Variants in LEPR observed in about 807,000 individuals in gnomAD.
LEPR encodes leptin receptor, also known as OB receptor.
Under a neutral mutation model 114.7 loss-of-function variants are expected in LEPR, and 56 were observed. The ratio of observed to expected loss-of-function variants is 0.49; its 90% CI spans 0.39 to 0.61. The LOEUF is 0.61. Among genes scored for constraint, LEPR ranks in the 20% least tolerant of loss-of-function variants. The pLI is 0.00. For missense variants in LEPR, 1,202 were observed against 1,352.9 expected, an observed-to-expected ratio of 0.89 and a Z score of 1.75; for synonymous variants, 443 against 461.4, an observed-to-expected ratio of 0.96 and a Z score of 0.51.
At chr1:65,547,750 A>G (rs1167011226) in intron 2 of LEPR, among the ~76,000 whole-genome samples, 3 of 135,628 alleles carry the variant, frequency 2.2e-5, no homozygotes, top group Admixed American at 1.5e-4. Context: ...GATCCTTTCA[A>G]AAAACCAGCT....
chr1:65,546,413 C>T (rs1435379522), intron 2 of LEPR, among the ~76,000 whole-genome samples: 2 of 152,172 alleles, frequency 1.3e-5, no homozygotes, highest in Non-Finnish European at 2.9e-5. Flanking sequence ...TGGCCATTTT[C>T]ACGATATTGA....
At chr1:65,597,646 AG>A (rs1557686009) in intron 7 of LEPR, among the ~76,000 whole-genome samples, 1 of 152,132 alleles carries the variant, frequency 6.6e-6, no homozygotes, top group African/African-American at 2.4e-5. Context: ...AGAGGCCAGC[AG>A]GGGAAGAGAA....
chr1:65,495,301 T>A (rs1648097803), intron 2 of LEPR, among the ~76,000 whole-genome samples: 1 of 152,204 alleles, frequency 6.6e-6, no homozygotes, highest in South Asian at 2.1e-4. Context: ...AGAAAAATGC[T>A]AATATCTCTA....
intron 2 of LEPR, among the ~76,000 whole-genome samples, chr1:65,518,675 C>G (rs979517730): frequency 3.9e-5 from 6 of 152,172 alleles, no homozygotes; most frequent in East Asian, 1.9e-4. Flanking sequence ...ATCTCCTCAG[C>G]TATATGCCCA....
At chr1:65,431,996 A>G (rs1646492113) in intron 2 of LEPR, 7 of 1,492,140 alleles carry the variant, frequency 4.7e-6, no homozygotes, top group East Asian at 2.4e-5. Context: ...GCGGCATTTT[A>G]CTATGAAATT....
At chr1:65,435,035 G>A (rs1191758800) in intron 2 of LEPR, 3 of 985,288 alleles carry the variant, frequency 3.0e-6, no homozygotes, top group Admixed American at 1.2e-4. Context: ...ATAACCCACT[G>A]ATTCTCATTC....
chr1:65,422,672 G>A (rs1444151209), intron 1 of LEPR, among the ~76,000 whole-genome samples: 1 of 152,236 alleles, frequency 6.6e-6, no homozygotes, highest in East Asian at 1.9e-4. Context: ...TCCCAAGTGG[G>A]GAGGACAGCA....
chr1:65,503,528 G>T (rs901976042), intron 2 of LEPR, among the ~76,000 whole-genome samples: 2 of 152,072 alleles, frequency 1.3e-5, no homozygotes, highest in Admixed American at 1.3e-4. Flanking sequence ...CTCCCATGGG[G>T]GAACAGGTTA....
At chr1:65,434,504 G>T (rs1288037106) in intron 2 of LEPR, 1 of 985,024 alleles carries the variant, frequency 1.0e-6, no homozygotes, top group African/African-American at 1.7e-5. Flanking sequence ...ACAATACTAT[G>T]AATTGGTGAT....
chr1:65,458,261 T>A (rs1646902004), intron 2 of LEPR, among the ~76,000 whole-genome samples: 1 of 152,188 alleles, frequency 6.6e-6, no homozygotes, highest in Admixed American at 6.5e-5. Flanking sequence ...GTACCTTCAT[T>A]TATTCCTTCT....
intron 2 of LEPR, among the ~76,000 whole-genome samples, chr1:65,430,977 T>C (rs1442321807): frequency 6.6e-6 from 1 of 152,156 alleles, no homozygotes; most frequent in Admixed American, 6.5e-5. Flanking sequence ...ATGCAGTATA[T>C]AGAATAAAGA....
At chr1:65,434,472 T>A (rs548617773) in intron 2 of LEPR, 2 of 985,258 alleles carry the variant, frequency 2.0e-6, no homozygotes, top group African/African-American at 3.5e-5. Context: ...ACAAGCAGAC[T>A]TTGAGACACT....
chr1:65,498,766 C>T (rs1394797391), intron 2 of LEPR, among the ~76,000 whole-genome samples: 1 of 152,030 alleles, frequency 6.6e-6, no homozygotes, highest in Non-Finnish European at 1.5e-5. Flanking sequence ...TCTTTAAATA[C>T]CCAGGTATAT....
intron 1 of LEPR, among the ~76,000 whole-genome samples, chr1:65,422,639 G>A (rs1646273725): frequency 6.6e-6 from 1 of 152,254 alleles, no homozygotes; most frequent in African/African-American, 2.4e-5. Flanking sequence ...CCTTGGCAAG[G>A]CATGGAGTGA....
chr1:65,611,858 A>G (rs1657190109), intron 14 of LEPR, among the ~76,000 whole-genome samples: 1 of 152,182 alleles, frequency 6.6e-6, no homozygotes, highest in Admixed American at 6.5e-5. Context: ...ATTGTATTTA[A>G]TTTTGATTAA....
At chr1:65,595,282 A>G (rs542065593) in intron 6 of LEPR, among the ~76,000 whole-genome samples, 9 of 116,320 alleles carry the variant, frequency 7.7e-5, no homozygotes, top group African/African-American at 2.7e-4. Flanking sequence ...CGTTGTTCCA[A>G]TGTAGGCATA....
chr1:65,565,168 G>A (rs1453149378), intron 2 of LEPR, among the ~76,000 whole-genome samples: 1 of 152,202 alleles, frequency 6.6e-6, no homozygotes, highest in African/African-American at 2.4e-5. Flanking sequence ...TAAGACCTGA[G>A]CATGAAAGAA....
intron 19 of LEPR, among the ~76,000 whole-genome samples, chr1:65,629,766 A>G (rs1368605778): frequency 3.4e-5 from 5 of 149,090 alleles, no homozygotes; most frequent in Non-Finnish European, 4.5e-5. Flanking sequence ...TATGTTACCT[A>G]TTTTATCCAC....
intron 2 of LEPR, among the ~76,000 whole-genome samples, chr1:65,428,628 T>C (rs1323550501): frequency 1.3e-5 from 2 of 152,176 alleles, no homozygotes; most frequent in Admixed American, 1.3e-4. Context: ...TGTGGCTTCA[T>C]CCCAACTCCT....
Sources: gnomAD v4.1 joint callset for allele counts (sites outside exome capture counted in the v4.1 genomes callset) on GRCh38, gnomAD v4.1.1 for gene constraint, MANE v1.5 for transcripts, NCBI Gene and HGNC (gene_info 2026-07-23, HGNC 2026-07-21) for gene names.